DAB1: variants seen among roughly 807,000 people sequenced by gnomAD.
DAB1 encodes the protein DAB adaptor protein 1.
In DAB1, 15 loss-of-function variants were observed where a neutral mutation model predicts 64.6. That is an observed-to-expected ratio of 0.23 (90% CI 0.16 to 0.36). The LOEUF is 0.36. Among genes scored for constraint, DAB1 ranks in the 10% least tolerant of loss-of-function variants. The probability of loss-of-function intolerance (pLI) is 1.00; values close to 1 mark genes in which losing one functional copy is unlikely to be tolerated. For missense variants in DAB1, 596 were observed against 706.7 expected (o/e 0.84, Z 1.78); for synonymous variants, 235 against 251.9 (o/e 0.93, Z 0.64).
intron 4 of DAB1, among the ~76,000 whole-genome samples, chr1:57,086,469 G>C (rs1053633386): frequency 4.6e-5 from 7 of 152,108 alleles, no homozygotes; most frequent in Admixed American, 3.9e-4. Flanking sequence ...CTTTTTCTCT[G>C]GGTTATAAAA....
At chr1:58,016,002 G>T (rs1016238959) in intron 5 of DAB1, among the ~76,000 whole-genome samples, 3 of 150,718 alleles carry the variant, frequency 2.0e-5, no homozygotes, top group Non-Finnish European at 1.5e-5. Context: ...GACACAAACA[G>T]CCTAGGGGGG....
intron 4 of DAB1, among the ~76,000 whole-genome samples, chr1:58,260,619 C>T (rs1661027251): frequency 6.6e-6 from 1 of 152,206 alleles, no homozygotes; most frequent in Non-Finnish European, 1.5e-5. Context: ...CTCAGTCCAG[C>T]CAAACCAAAC....
intron 3 of DAB1, among the ~76,000 whole-genome samples, chr1:58,442,755 C>T (rs1294322215): frequency 1.3e-5 from 2 of 152,086 alleles, no homozygotes; most frequent in Non-Finnish European, 2.9e-5. Flanking sequence ...CATTGTGACT[C>T]CCTTCTGATA....
chr1:57,332,650 T>C (rs1676766891), intron 1 of DAB1, among the ~76,000 whole-genome samples: 1 of 152,218 alleles, frequency 6.6e-6, no homozygotes, highest in African/African-American at 2.4e-5. Context: ...CATCTTTCTC[T>C]GTGACCAGAA....
chr1:57,330,854 C>A (rs939133076), intron 1 of DAB1, among the ~76,000 whole-genome samples: 1 of 152,110 alleles, frequency 6.6e-6, no homozygotes, highest in Admixed American at 6.5e-5. Context: ...GGCAGCTTGA[C>A]CCCTGCTTAG....
intron 3 of DAB1, among the ~76,000 whole-genome samples, chr1:58,409,402 C>T (rs565062670): frequency 6.3e-4 from 96 of 152,256 alleles, no homozygotes; most frequent in African/African-American, 2.1e-3. Context: ...ACTATGCCAC[C>T]CTTCCCCCAG....
At chr1:58,219,724 C>T (rs543802832) in intron 4 of DAB1, among the ~76,000 whole-genome samples, 1 of 152,358 alleles carries the variant, frequency 6.6e-6, no homozygotes, top group African/African-American at 2.4e-5. Flanking sequence ...CACACACCTG[C>T]ACCACACACC....
chr1:57,968,763 G>A (rs562912222), intron 5 of DAB1, among the ~76,000 whole-genome samples: 1 of 152,096 alleles, frequency 6.6e-6, no homozygotes, highest in Non-Finnish European at 1.5e-5. Context: ...ATACTGTGAG[G>A]TATGTGTTTT....
intron 4 of DAB1, among the ~76,000 whole-genome samples, chr1:57,080,684 T>C (rs2100624889): frequency 6.6e-6 from 1 of 151,886 alleles, no homozygotes; most frequent in African/African-American, 2.4e-5. Context: ...GTTTAATCAA[T>C]TAGCAATCAC....
chr1:57,663,104 G>T (rs1460123400), intron 6 of DAB1, among the ~76,000 whole-genome samples: 1 of 152,164 alleles, frequency 6.6e-6, no homozygotes, highest in Admixed American at 6.5e-5. Flanking sequence ...CAGGAAGCAT[G>T]GTTAGGGAAG....
chr1:57,770,023 C>T (rs957341218), intron 6 of DAB1, among the ~76,000 whole-genome samples: 1 of 152,120 alleles, frequency 6.6e-6, no homozygotes, highest in African/African-American at 2.4e-5. Flanking sequence ...TTAAGGGCAG[C>T]ATTGGATTAT....
intron 5 of DAB1, among the ~76,000 whole-genome samples, chr1:57,900,444 C>A (rs896135091): frequency 6.6e-5 from 10 of 152,170 alleles, no homozygotes. Context: ...ATGAGGAATA[C>A]CCTGTTCTAG....
At chr1:57,398,282 G>C (rs1249946434) in intron 1 of DAB1, among the ~76,000 whole-genome samples, 1 of 152,102 alleles carries the variant, frequency 6.6e-6, no homozygotes, top group Non-Finnish European at 1.5e-5. Context: ...TAGAACATGG[G>C]GCCTTATGTG....
chr1:58,305,395 A>T (rs1458451436), intron 4 of DAB1, among the ~76,000 whole-genome samples: 1 of 152,150 alleles, frequency 6.6e-6, no homozygotes, highest in Non-Finnish European at 1.5e-5. Context: ...TATTTTGTTT[A>T]TTTTTACTGG....
At chr1:58,457,785 T>G (rs1645206202) in intron 3 of DAB1, among the ~76,000 whole-genome samples, 1 of 152,202 alleles carries the variant, frequency 6.6e-6, no homozygotes, top group South Asian at 2.1e-4. Flanking sequence ...CCCAGTCACC[T>G]GAAATCTAGT....
intron 3 of DAB1, among the ~76,000 whole-genome samples, chr1:58,417,908 G>A (rs1256452399): frequency 6.6e-6 from 1 of 152,146 alleles, no homozygotes; most frequent in African/African-American, 2.4e-5. Context: ...TGAAAGTGCT[G>A]GGTTCTCTCA....
rs185683300 is a variant in DAB1, at chr1:57,008,745, G to A, written c.*15+1935C>T. 1.4e-4 allele frequency among the ~76,000 whole-genome samples: 21 copies of A among 152,130 alleles called. 1 individual carries two copies. The highest frequency in any genetic ancestry group is 2.9e-4 in the African/African-American group (12 of 41,490). On this transcript the variant is annotated intron_variant, in intron 14 of 14. Coordinates refer to ENST00000371236, the MANE Select transcript of DAB1 (RefSeq NM_001365792.1). ...CTGATTACTCAGTGTCTGTCTCTGC[G>A]CTAGATACTCAACATAAACTATCTC...
chr1:57,252,564 G>A (rs969142305), intron 2 of DAB1, among the ~76,000 whole-genome samples: 2 of 152,166 alleles, frequency 1.3e-5, no homozygotes, highest in African/African-American at 4.8e-5. Flanking sequence ...CAGTTAATTT[G>A]TACCTACTAT....
intron 6 of DAB1, among the ~76,000 whole-genome samples, chr1:57,808,662 T>C (rs1415661097): frequency 6.6e-6 from 1 of 152,230 alleles, no homozygotes; most frequent in African/African-American, 2.4e-5. Context: ...ATTTTGATAA[T>C]TGGTCCATGC....
Sources: gnomAD v4.1 joint callset for allele counts (sites outside exome capture counted in the v4.1 genomes callset) on GRCh38, gnomAD v4.1.1 for gene constraint, MANE v1.5 for transcripts, NCBI Gene and HGNC (gene_info 2026-07-23, HGNC 2026-07-21) for gene names.